CHSY3: variants seen among roughly 807,000 people sequenced by gnomAD.
The protein encoded by CHSY3 is N-acetylgalactosaminyl-proteoglycan 3-beta-glucuronosyltransferase 3.
Under a neutral mutation model 67.2 loss-of-function variants are expected in CHSY3, and 35 were observed. That is an observed-to-expected ratio of 0.52 (90% CI 0.40 to 0.69). The LOEUF (loss-of-function observed/expected upper bound fraction) is 0.69, where lower values mean the gene tolerates loss of function less well. CHSY3 is among the 30% of genes least tolerant of loss of function. The pLI, the probability that CHSY3 is intolerant of heterozygous loss-of-function variation, is 0.00. For missense variants in CHSY3, 1,069 were observed against 1,138.5 expected, an observed-to-expected ratio of 0.94 and a Z score of 0.88; for synonymous variants, 474 against 434.7, an observed-to-expected ratio of 1.09 and a Z score of -1.12.
At chr5:130,096,352 T>C (rs1366272174) in intron 2 of CHSY3, among the ~76,000 whole-genome samples, 1 of 152,148 alleles carries the variant, frequency 6.6e-6, no homozygotes, top group Non-Finnish European at 1.5e-5. Context: ...TTTGCATTTT[T>C]AGTAGAGACA....
At chr5:129,987,462 TC>T (rs1204936532) in intron 2 of CHSY3, among the ~76,000 whole-genome samples, 1 of 152,242 alleles carries the variant, frequency 6.6e-6, no homozygotes, top group Non-Finnish European at 1.5e-5. Context: ...AGGAGATGTT[TC>T]TTAATTCGTG....
chr5:130,084,374 A>C (rs1766542932), intron 2 of CHSY3, among the ~76,000 whole-genome samples: 2 of 151,974 alleles, frequency 1.3e-5, no homozygotes, highest in Non-Finnish European at 2.9e-5. Flanking sequence ...AATTAGCTTG[A>C]TTTGATCATT....
At chr5:129,915,194 T>TA (rs993863834) in intron 2 of CHSY3, among the ~76,000 whole-genome samples, 2 of 152,130 alleles carry the variant, frequency 1.3e-5, no homozygotes, top group African/African-American at 4.8e-5. Flanking sequence ...GCATTTCAGT[T>TA]AAAAAAATTC....
At chr5:130,091,341 G>A (rs78688681) in intron 2 of CHSY3, among the ~76,000 whole-genome samples, 3,510 of 152,246 alleles carry the variant, frequency 0.023, 63 homozygotes, top group Admixed American at 0.036. Flanking sequence ...TTTGTTTCCA[G>A]TTGTACCATT....
At chr5:130,151,377 A>AAG (rs1162026729) in intron 2 of CHSY3, among the ~76,000 whole-genome samples, 1 of 152,228 alleles carries the variant, frequency 6.6e-6, no homozygotes, top group Non-Finnish European at 1.5e-5. Flanking sequence ...TGTGGGATAG[A>AAG]AGATCCAATG....
intron 2 of CHSY3, among the ~76,000 whole-genome samples, chr5:130,049,711 G>A (rs1765270978): frequency 6.6e-6 from 1 of 151,584 alleles, no homozygotes; most frequent in African/African-American, 2.4e-5. Flanking sequence ...TACATAATTG[G>A]GTAGTTTTGT....
intron 2 of CHSY3, among the ~76,000 whole-genome samples, chr5:130,006,238 T>C (rs138441219): frequency 1.4e-3 from 208 of 152,268 alleles, no homozygotes; most frequent in African/African-American, 4.6e-3. Flanking sequence ...GTTGTGGCGT[T>C]AGGAATTTGC....
At chr5:129,963,645 C>T (rs4394155) in intron 2 of CHSY3, among the ~76,000 whole-genome samples, 143,220 of 152,030 alleles carry the variant, frequency 0.94, 67,569 homozygotes, top group East Asian at 1. Flanking sequence ...CCCAGAGCTG[C>T]ACTTTACAGA....
chr5:129,938,311 G>A (rs1490588061), intron 2 of CHSY3, among the ~76,000 whole-genome samples: 1 of 152,230 alleles, frequency 6.6e-6, no homozygotes, highest in African/African-American at 2.4e-5. Context: ...CTGCTGGGAA[G>A]GTCTCTGAAA....
At chr5:129,995,665 G>A (rs2149634113) in intron 2 of CHSY3, among the ~76,000 whole-genome samples, 1 of 151,408 alleles carries the variant, frequency 6.6e-6, no homozygotes, top group South Asian at 2.1e-4. Flanking sequence ...CCATGTTGGA[G>A]CCAACATTCT....
intron 2 of CHSY3, among the ~76,000 whole-genome samples, chr5:130,101,041 G>T (rs1028737920): frequency 1.3e-5 from 2 of 152,140 alleles, no homozygotes; most frequent in African/African-American, 4.8e-5. Flanking sequence ...AAACAGTCCC[G>T]CAAGTACTTT....
At chr5:130,130,734 A>G (rs775006142) in intron 2 of CHSY3, among the ~76,000 whole-genome samples, 6 of 152,034 alleles carry the variant, frequency 3.9e-5, no homozygotes, top group Non-Finnish European at 5.9e-5. Flanking sequence ...CCTTCCTTTC[A>G]TGTTCCATAC....
intron 2 of CHSY3, among the ~76,000 whole-genome samples, chr5:129,974,123 G>A (rs1762724294): frequency 6.6e-6 from 1 of 152,030 alleles, no homozygotes. Context: ...TCTATTTTGG[G>A]GCAAATGAGA....
intron 2 of CHSY3, among the ~76,000 whole-genome samples, chr5:130,171,316 AT>A (rs1002617963): frequency 6.6e-6 from 1 of 152,026 alleles, no homozygotes; most frequent in African/African-American, 2.4e-5. Flanking sequence ...TTATCATTAG[AT>A]TTTTTTTCTT....
At chr5:130,024,965 G>A (rs4612107) in intron 2 of CHSY3, among the ~76,000 whole-genome samples, 143,747 of 152,228 alleles carry the variant, frequency 0.94, 67,984 homozygotes, top group East Asian at 1. Context: ...AGTTTTATTA[G>A]TCTATTTTTA....
chr5:130,149,543 G>A (rs759527301), intron 2 of CHSY3, among the ~76,000 whole-genome samples: 4 of 152,100 alleles, frequency 2.6e-5, no homozygotes, highest in South Asian at 2.1e-4. Flanking sequence ...AAGGGGGTCC[G>A]CCCCCATGAT....
intron 2 of CHSY3, among the ~76,000 whole-genome samples, chr5:130,175,054 T>G (rs1303641762): frequency 6.6e-6 from 1 of 152,156 alleles, no homozygotes; most frequent in Non-Finnish European, 1.5e-5. Flanking sequence ...AGAACTTGCT[T>G]TATGAATGTG....
At chr5:130,127,423 G>A (rs62393184) in intron 2 of CHSY3, among the ~76,000 whole-genome samples, 8,337 of 152,198 alleles carry the variant, frequency 0.055, 346 homozygotes, top group Non-Finnish European at 0.081. Flanking sequence ...GGCCTAGTTA[G>A]TAAATGTAGA....
rs925007820 is a variant in CHSY3 at position 129,905,266 on chromosome 5, G to A, written c.437G>A (p.Arg146Lys). 6.9e-7 allele frequency: 1 copy of A among 1,455,418 alleles called. No individual in the cohort carries two copies. The highest frequency in any genetic ancestry group is 9.0e-7 in the Non-Finnish European group (1 of 1,107,284). The allele number at this position is 1,455,418 out of a possible 1,614,324, so 90.2% of individuals were successfully genotyped here. A position where few individuals can be genotyped will look rare whatever the true frequency, so the allele number is the denominator to read the frequency against. Residue 146 changes from arginine to lysine, a missense_variant, in exon 1 of 3, where the codon AGA (arginine) becomes AAA (lysine). Coordinates refer to ENST00000305031, the MANE Select transcript of CHSY3 (RefSeq NM_175856.5). Reference protein sequence around the residue: ...EEDGGAAGQRRDGRPGSSHNG... With the variant: ...EEDGGAAGQRKDGRPGSSHNG... Reference sequence around the variant, plus strand: ...GACGGGGGCGCGGCTGGGCAGCGGAGAGACGGCCGGCCGGGGAGTAGCCAC... The same window carrying A: ...GACGGGGGCGCGGCTGGGCAGCGGAAAGACGGCCGGCCGGGGAGTAGCCAC...
Sources: gnomAD v4.1 joint callset for allele counts (sites outside exome capture counted in the v4.1 genomes callset) on GRCh38, gnomAD v4.1.1 for gene constraint, MANE v1.5 for transcripts, NCBI Gene and HGNC (gene_info 2026-07-23, HGNC 2026-07-21) for gene names.